The following MYH10 variants were observed in gnomAD, a reference collection of about 807,000 sequenced individuals.
The protein encoded by MYH10 is myosin heavy chain 10.
In MYH10, 55 loss-of-function variants were observed where a neutral mutation model predicts 257.8. That is an observed-to-expected ratio of 0.21 (90% CI 0.17 to 0.27). The LOEUF (loss-of-function observed/expected upper bound fraction) is 0.27, where lower values mean the gene tolerates loss of function less well. MYH10 is among the 10% of genes least tolerant of loss of function. The pLI is 1.00. For synonymous variants in MYH10, 854 were observed against 921.7 expected (o/e 0.93, Z 1.33); for missense variants, 1,631 against 2,500.6 (o/e 0.65, Z 7.42).
intron 32 of MYH10, among the ~76,000 whole-genome samples, 163 bp downstream of exon 32, chr17:8,493,570 T>A (rs1460952743): frequency 6.6e-6 from 1 of 152,210 alleles, no homozygotes; most frequent in Non-Finnish European, 1.5e-5. Flanking sequence ...TCCAGCATTA[T>A]AACCAGCATG....
intron 19 of MYH10, 49 bp downstream of exon 19, chr17:8,520,829 T>C: frequency 6.5e-7 from 1 of 1,537,724 alleles, no homozygotes; most frequent in African/African-American, 1.4e-5. Flanking sequence ...TTAATTCATA[T>C]CAAGATAAAC....
chr17:8,535,989 A>C lies in MYH10; in HGVS notation c.1606-58T>G, dbSNP rs527527892. ...TTTGCATGCCACTTTAATACTACTG[A>C]GTCTGGCACTTAAACTTCTAAAACA... On this transcript the variant is annotated intron_variant, in intron 14 of 42. Coordinates refer to ENST00000360416, the MANE Select transcript of MYH10 (RefSeq NM_001256012.3). The surrounding 1 kb of genome is among the most constrained non-coding windows in gnomAD (Gnocchi z 4.3). 1.4e-5 allele frequency: 21 copies of C among 1,476,138 alleles called. No individual in the cohort carries two copies. Among genetic ancestry groups the C allele is most frequent in the Non-Finnish European group, 1.9e-5 (20 of 1,077,350 alleles). The allele number at this position is 1,476,138 out of a possible 1,614,324, so 91.4% of individuals were successfully genotyped here. A position where few individuals can be genotyped will look rare whatever the true frequency, so the allele number is the denominator to read the frequency against.
chr17:8,496,317 C>T (rs74407429), intron 30 of MYH10, among the ~76,000 whole-genome samples: 2 of 152,326 alleles, frequency 1.3e-5, no homozygotes, highest in Non-Finnish European at 2.9e-5. Flanking sequence ...GTAACGCTTC[C>T]ATGGTCACTC....
chr17:8,527,160 TACGTGGTACTGTAATA>T (rs1464255352), intron 17 of MYH10, among the ~76,000 whole-genome samples: 5 of 152,250 alleles, frequency 3.3e-5, no homozygotes, highest in Non-Finnish European at 7.3e-5. Context: ...ATATCCCTGT[TACGTGGTACTGTAATA>T]ACAAGTTTAC....
chr17:8,558,508 G>T (rs995954412), intron 7 of MYH10, among the ~76,000 whole-genome samples: 2 of 152,042 alleles, frequency 1.3e-5, no homozygotes, highest in African/African-American at 4.8e-5. Flanking sequence ...ACAAAAAAAA[G>T]CAAAACAAAA....
At chr17:8,521,367 C>G in intron 17 of MYH10, 82 bp from the exon 18 acceptor site, 1 of 1,421,582 alleles carries the variant, frequency 7.0e-7, no homozygotes, top group African/African-American at 1.4e-5. Context: ...GAAAGTGCAG[C>G]AGCACAAGCT....
chr17:8,516,057 A>T (rs1346866867), intron 21 of MYH10, among the ~76,000 whole-genome samples: 1 of 152,196 alleles, frequency 6.6e-6, no homozygotes, highest in Non-Finnish European at 1.5e-5. Flanking sequence ...AGTCAGAAAC[A>T]TGCCGGGCAC....
chr17:8,511,532 AAAAAAC>A (rs1290194754), intron 24 of MYH10, among the ~76,000 whole-genome samples: 2 of 152,202 alleles, frequency 1.3e-5, no homozygotes, highest in Non-Finnish European at 2.9e-5. Context: ...AAACAGAACA[AAAAAAC>A]AAAAACAAAA....
chr17:8,547,412 C>T (rs1862996492), intron 11 of MYH10, among the ~76,000 whole-genome samples: 1 of 152,022 alleles, frequency 6.6e-6, no homozygotes, highest in Non-Finnish European at 1.5e-5. Flanking sequence ...ATGAATGGTC[C>T]TGGAAATCAA....
chr17:8,475,979 G>A, intron 42 of MYH10, 31 bp from the exon 43 acceptor site: 2 of 1,600,708 alleles, frequency 1.2e-6, no homozygotes, highest in Non-Finnish European at 1.7e-6. Flanking sequence ...ATGTGTGTGG[G>A]TAAACAGACA....
In MYH10 at chr17:8,499,351, C is replaced by T. The variant is rs74852157; in HGVS notation, c.3870G>A (p.Ala1290=). ...ESEHKRKKLD[A]QVQELHAKVS... is the part of the protein sequence containing the mutation. ...CCTTGGCATGGAGCTCCTGGACCTG[C>T]GCGTCGAGCTTCTTCCTCTTGTGCT... The change falls in exon 30 of 43, where the codon GCG becomes GCA. Residue 1290 remains alanine (A), a synonymous_variant. Transcript: ENST00000360416. 7,306 of 1,614,134 alleles carry T rather than the reference C, an allele frequency of 4.5e-3. 374 individuals carry two copies. The East Asian group carries it at 0.12, about 27-fold the overall frequency.
At chr17:8,579,002 T>C (rs1241479969) in intron 4 of MYH10, among the ~76,000 whole-genome samples, 1 of 152,218 alleles carries the variant, frequency 6.6e-6, no homozygotes, top group Non-Finnish European at 1.5e-5. Flanking sequence ...TTGCACTATT[T>C]GGGCCGGCCA....
At chr17:8,555,775 T>C (rs977943280) in intron 7 of MYH10, among the ~76,000 whole-genome samples, 1 of 152,074 alleles carries the variant, frequency 6.6e-6, no homozygotes, top group African/African-American at 2.4e-5. Flanking sequence ...ACCATAAAAT[T>C]AAAAACTGGT....
chr17:8,587,913 CT>C, intron 4 of MYH10, among the ~76,000 whole-genome samples: 1 of 152,158 alleles, frequency 6.6e-6, no homozygotes, highest in Middle Eastern at 3.4e-3. Context: ...GCTTCTCTAC[CT>C]CTTCGCTATC....
intron 33 of MYH10, 23 bp downstream of exon 33, chr17:8,492,753 G>GAAACGAC (rs1567790197): frequency 1.2e-6 from 2 of 1,609,460 alleles, no homozygotes. Flanking sequence ...CTGCCAGGAG[G>GAAACGAC]AAACGACACG....
rs769385652 is a variant in MYH10, at chr17:8,521,079, G to A, written c.2151+13C>T. On this transcript the variant is annotated intron_variant, in intron 18 of 42. Coordinates refer to ENST00000360416, the MANE Select transcript of MYH10 (RefSeq NM_001256012.3). ...AGTTTTAAATACTAGCATATGTTTTGCTCAGCACGTACCCTCTTCTCGTGA... is the reference window on the plus strand; with the variant it reads ...AGTTTTAAATACTAGCATATGTTTTACTCAGCACGTACCCTCTTCTCGTGA... 27 of 1,613,956 alleles carry A rather than the reference G, an allele frequency of 1.7e-5. No homozygotes were observed. Among genetic ancestry groups the A allele is most frequent in the Non-Finnish European group, 2.1e-5 (25 of 1,179,916 alleles).
intron 17 of MYH10, 61 bp downstream of exon 17, chr17:8,530,562 G>T: frequency 2.6e-6 from 1 of 378,128 alleles, no homozygotes; most frequent in Non-Finnish European, 3.9e-6. Context: ...CCCCCCACAC[G>T]TTTTTCCTGT....
chr17:8,525,819 G>A (rs1003869084), intron 17 of MYH10, among the ~76,000 whole-genome samples: 4 of 152,094 alleles, frequency 2.6e-5, no homozygotes, highest in Admixed American at 2.6e-4. Context: ...TTGAGATGGA[G>A]TCTTGCTCTG....
At chr17:8,489,639 G>A (rs1030274247) in intron 35 of MYH10, among the ~76,000 whole-genome samples, 6 of 151,648 alleles carry the variant, frequency 4.0e-5, no homozygotes, top group African/African-American at 1.2e-4. Context: ...GGGAGGCAGA[G>A]GTTGCAGTGA....
Sources: gnomAD v4.1 joint callset for allele counts (sites outside exome capture counted in the v4.1 genomes callset) on GRCh38, gnomAD v4.1.1 for gene constraint, Gnocchi (gnomAD v3.1) non-coding constraint, MANE v1.5 for transcripts, NCBI Gene and HGNC (gene_info 2026-07-23, HGNC 2026-07-21) for gene names.